GSE1: variants seen among roughly 807,000 people sequenced by gnomAD.
GSE1 encodes genetic suppressor element 1.
GSE1 carries 32 observed loss-of-function variants against 112.6 expected under a neutral mutation model. The ratio of observed to expected loss-of-function variants is 0.28; its 90% CI spans 0.21 to 0.38. The LOEUF is 0.38. Among genes scored for constraint, GSE1 ranks in the 10% least tolerant of loss-of-function variants. The pLI is 1.00. For missense variants in GSE1, 2,348 were observed against 1,699.2 expected (o/e 1.38, Z -6.71); for synonymous variants, 1,115 against 735.6 (o/e 1.52, Z -8.35).
At chr16:85,221,759 G>A (rs2075397499) in intron 1 of GSE1, among the ~76,000 whole-genome samples, 2 of 152,144 alleles carry the variant, frequency 1.3e-5, no homozygotes, top group South Asian at 4.1e-4. Context: ...GGCAGGTGGG[G>A]GCTCGGCCCC....
intron 2 of GSE1, among the ~76,000 whole-genome samples, chr16:85,643,866 G>GCT (rs1234314118): frequency 1.3e-5 from 2 of 151,944 alleles, no homozygotes; most frequent in Non-Finnish European, 2.9e-5. Context: ...CGGATCATGA[G>GCT]CTCTTGGCAG....
In GSE1 at chr16:85,673,478, CAAAAAAA is replaced by C. The variant is rs3060243; in HGVS notation, c.*949_*955del. ...GTTTGTTGTTTTGGTTTTTTTTGGG[CAAAAAAA>C]AAAAAAAAACCTTGCTTTTAGTGTT... On this transcript the variant is annotated 3_prime_UTR_variant, in exon 16 of 16. Coordinates refer to ENST00000253458, the MANE Select transcript of GSE1 (RefSeq NM_014615.5). The C allele has an allele frequency of 1.9e-5, 2 of 107,868 alleles. No individual in the cohort carries two copies. Among genetic ancestry groups the C allele is most frequent in the African/African-American group, 7.2e-5 (2 of 27,940 alleles). 6.7% of individuals were successfully genotyped at this position (107,868 alleles called of 1,614,324 possible).
intron 1 of GSE1, among the ~76,000 whole-genome samples, chr16:85,266,036 C>T (rs1279999768): frequency 2.6e-5 from 4 of 152,142 alleles, no homozygotes; most frequent in African/African-American, 4.8e-5. Context: ...GATTTCAGGC[C>T]GCGGCGCTGG....
intron 2 of GSE1, among the ~76,000 whole-genome samples, chr16:85,536,904 G>A (rs933083282): frequency 6.6e-6 from 1 of 152,246 alleles, no homozygotes; most frequent in African/African-American, 2.4e-5. Context: ...AATGGAACCG[G>A]CGAGGAATGG....
chr16:85,296,082 G>A (rs2045358194), intron 1 of GSE1, among the ~76,000 whole-genome samples: 1 of 152,142 alleles, frequency 6.6e-6, no homozygotes, highest in Non-Finnish European at 1.5e-5. Flanking sequence ...AGGCCGGCTT[G>A]GGAAATGTAG....
intron 1 of GSE1, among the ~76,000 whole-genome samples, chr16:85,566,027 T>G (rs1408516514): frequency 6.6e-6 from 1 of 152,132 alleles, no homozygotes; most frequent in African/African-American, 2.4e-5. Context: ...GGATCTCTGT[T>G]TTCTCATCTG....
intron 1 of GSE1, among the ~76,000 whole-genome samples, chr16:85,603,000 G>C (rs1267306745): frequency 1.3e-5 from 2 of 152,244 alleles, no homozygotes; most frequent in Admixed American, 6.5e-5. Flanking sequence ...CTCCAGGCCT[G>C]CCAGGGTCAC....
At chr16:85,468,736 G>C (rs1222849416) in intron 2 of GSE1, among the ~76,000 whole-genome samples, 1 of 152,142 alleles carries the variant, frequency 6.6e-6, no homozygotes. Context: ...ACAGATGTTG[G>C]CAAGAGTGGC....
intron 2 of GSE1, among the ~76,000 whole-genome samples, chr16:85,421,821 C>T (rs2048851626): frequency 1.3e-5 from 2 of 151,980 alleles, no homozygotes; most frequent in South Asian, 4.1e-4. Context: ...TGTTTCCATG[C>T]TTGTATTTTT....
intron 1 of GSE1, among the ~76,000 whole-genome samples, chr16:85,615,650 C>T (rs534261071): frequency 1.3e-5 from 2 of 152,282 alleles, no homozygotes; most frequent in Admixed American, 1.3e-4. Context: ...TGAGGCTGAG[C>T]TCAAAACAAG....
rs1388194776 is a variant in GSE1, at chr16:85,674,355, T to A, written c.*1816T>A. The A allele has an allele frequency of 6.6e-6, 1 of 152,260 alleles. No individual in the cohort carries two copies. The highest frequency in any genetic ancestry group is 2.4e-5 in the African/African-American group (1 of 41,454). The allele number at this position is 152,260 out of a possible 1,614,324, so 9.4% of individuals were successfully genotyped here. A position where few individuals can be genotyped will look rare whatever the true frequency, so the allele number is the denominator to read the frequency against. On this transcript the variant is annotated 3_prime_UTR_variant, in exon 16 of 16. Transcript: ENST00000253458. ...TCAGACGAATGTACCGCCAGTATTATCAGCAGTCAACAAGCACCTTCCTCT... is the reference window on the plus strand; with the variant it reads ...TCAGACGAATGTACCGCCAGTATTAACAGCAGTCAACAAGCACCTTCCTCT...
chr16:85,656,628 G>T lies in GSE1; in HGVS notation c.1275G>T (p.Arg425=). The T allele has an allele frequency of 6.5e-7, 1 of 1,539,468 alleles. No individual in the cohort carries two copies. Among genetic ancestry groups the T allele is most frequent in the Non-Finnish European group, 8.8e-7 (1 of 1,141,356 alleles). The change falls in exon 7 of 16, where the codon CGG becomes CGT. Residue 425 remains arginine (R), a synonymous_variant. Transcript: ENST00000253458. ...HGLRGHATEE[R]GKPSEQLTPT... ...TGCGTGGCCATGCCACTGAGGAGCG[G>T]GGCAAGCCCTCGGAGCAGCTGACCC...
chr16:85,181,534 C>T lies in GSE1; in HGVS notation c.2283+9727C>T, dbSNP rs138425862. Among the ~76,000 whole-genome samples, 487 of 152,332 alleles carry T rather than the reference C, an allele frequency of 3.2e-3. 3 individuals are homozygous for T. The highest frequency in any genetic ancestry group is 5.2e-3 in the Non-Finnish European group (357 of 68,030). On this transcript the variant is annotated intron_variant, in intron 1 of 2. Coordinates refer to the GSE1 transcript ENST00000637419. The stretch of plus-strand genomic sequence containing the variant: ...AGCACAGGAGGCCGCCGTGCTCTCT[C>T]GCATCAGCTTTCAGAAAGGCTCTCA...
chr16:85,612,038 C>T (rs1718195959), upstream of GSE1, among the ~76,000 whole-genome samples: 1 of 151,898 alleles, frequency 6.6e-6, no homozygotes, highest in Admixed American at 6.5e-5. Context: ...CTGGTTTGCC[C>T]CAGGGCTCAG....
chr16:85,596,353 G>A (rs1313279189), intron 1 of GSE1, among the ~76,000 whole-genome samples: 1 of 152,154 alleles, frequency 6.6e-6, no homozygotes, highest in East Asian at 1.9e-4. Flanking sequence ...CTTCTGTGAC[G>A]CTTCTAGACT....
At chr16:85,381,038 C>T (rs1330649952) in intron 2 of GSE1, among the ~76,000 whole-genome samples, 2 of 152,204 alleles carry the variant, frequency 1.3e-5, no homozygotes, top group Non-Finnish European at 2.9e-5. Context: ...ACACCACCTC[C>T]GTCCAGTGCA....
chr16:85,644,615 T>C (rs1351670529), intron 2 of GSE1, among the ~76,000 whole-genome samples: 7 of 152,124 alleles, frequency 4.6e-5, no homozygotes, highest in Non-Finnish European at 1.5e-5. Context: ...GAACAGGCCC[T>C]TCTTTAGAGA....
intron 1 of GSE1, among the ~76,000 whole-genome samples, chr16:85,209,231 A>G (rs2075180513): frequency 6.6e-6 from 1 of 152,162 alleles, no homozygotes; most frequent in Admixed American, 6.5e-5. Context: ...CAACAACCCC[A>G]CGAGGTAGGC....
Position 85,647,116 on chromosome 16 carries a change from C to T in GSE1, c.227-1436C>T, listed in dbSNP as rs552539368. ...CCCTTAGGGCCTGGGAACACTCCTC[C>T]CCGTCCTCCCCGGTCCAAACCCCTG... On this transcript the variant is annotated intron_variant, in intron 2 of 15. Coordinates refer to ENST00000253458, the MANE Select transcript of GSE1 (RefSeq NM_014615.5). Among the ~76,000 whole-genome samples, 39 of 152,310 alleles carry T rather than the reference C, an allele frequency of 2.6e-4. 1 individual carries two copies. In the South Asian group the frequency reaches 8.1e-3, roughly 32 times the overall value.
Sources: allele counts gnomAD v4.1 joint callset (sites outside exome capture counted in the v4.1 genomes callset), GRCh38; gene constraint gnomAD v4.1.1; transcripts MANE v1.5; gene names NCBI Gene and HGNC (gene_info 2026-07-23, HGNC 2026-07-21).